Variants in PDGFC observed in about 807,000 individuals in gnomAD.
The protein encoded by PDGFC is platelet-derived growth factor C.
A neutral mutation model predicts 35.5 loss-of-function variants in PDGFC; 12 were observed. That is an observed-to-expected ratio of 0.34 (90% CI 0.22 to 0.55). The LOEUF (loss-of-function observed/expected upper bound fraction) is 0.55, where lower values mean the gene tolerates loss of function less well. PDGFC is among the 20% of genes least tolerant of loss of function. The pLI is 0.91. For missense variants in PDGFC, 322 were observed against 412.4 expected (o/e 0.78, Z 1.90); for synonymous variants, 159 against 148.8 (o/e 1.07, Z -0.50).
At chr4:156,804,592 T>TA (rs1231862022) in intron 3 of PDGFC, among the ~76,000 whole-genome samples, 1 of 151,976 alleles carries the variant, frequency 6.6e-6, no homozygotes, top group Non-Finnish European at 1.5e-5. Context: ...ACTGCATTTT[T>TA]ATAGGTATTT....
chr4:156,947,381 T>C (rs1029589277), intron 1 of PDGFC, among the ~76,000 whole-genome samples: 8 of 152,046 alleles, frequency 5.3e-5, no homozygotes, highest in Non-Finnish European at 2.9e-5. Context: ...TCCCCTGACA[T>C]GGCCTAGCTA....
chr4:156,953,350 G>A (rs969152652), intron 1 of PDGFC, among the ~76,000 whole-genome samples: 4 of 151,892 alleles, frequency 2.6e-5, no homozygotes, highest in Admixed American at 2.0e-4. Context: ...TGTCCAAGTT[G>A]TTTTCTAGAC....
At chr4:156,779,506 G>A (rs1028670820) in intron 3 of PDGFC, among the ~76,000 whole-genome samples, 22 of 152,076 alleles carry the variant, frequency 1.4e-4, no homozygotes, top group Admixed American at 3.3e-4. Context: ...TATGAAAAGC[G>A]TATGAGCCAG....
chr4:156,805,373 T>A (rs2110927768), intron 3 of PDGFC, among the ~76,000 whole-genome samples: 1 of 152,162 alleles, frequency 6.6e-6, no homozygotes, highest in South Asian at 2.1e-4. Flanking sequence ...AGCATCAAAT[T>A]TTCTCTTAAT....
intron 2 of PDGFC, among the ~76,000 whole-genome samples, chr4:156,819,185 T>G (rs945424367): frequency 4.6e-5 from 7 of 152,140 alleles, no homozygotes; most frequent in Admixed American, 1.3e-4. Flanking sequence ...CAAGTACTGA[T>G]GGAGAAGCTG....
intron 2 of PDGFC, among the ~76,000 whole-genome samples, chr4:156,826,748 A>G (rs1728767119): frequency 6.6e-6 from 1 of 152,206 alleles, no homozygotes; most frequent in Non-Finnish European, 1.5e-5. Flanking sequence ...TTAAAGGCCT[A>G]TCAAAGCAAT....
intron 1 of PDGFC, among the ~76,000 whole-genome samples, chr4:156,879,615 G>T (rs1730194918): frequency 6.6e-6 from 1 of 152,096 alleles, no homozygotes; most frequent in Non-Finnish European, 1.5e-5. Context: ...CAAACAATGG[G>T]TCATTTACTC....
chr4:156,894,148 G>A (rs893979950), intron 1 of PDGFC, among the ~76,000 whole-genome samples: 6 of 152,242 alleles, frequency 3.9e-5, no homozygotes, highest in African/African-American at 1.4e-4. Flanking sequence ...ATCACTGTAA[G>A]TATATTAGCA....
Position 156,971,000 on chromosome 4 carries a change from G to C in PDGFC, c.-97C>G, listed in dbSNP as rs1732579952. On this transcript the variant is annotated 5_prime_UTR_variant, in exon 1 of 6. Coordinates refer to ENST00000502773, the MANE Select transcript of PDGFC (RefSeq NM_016205.3). ...ACCGCCAGGGGAAGGCTGCACTGGGGTGGAAGCGCCGAGCCTGCTCTGGCA... is the reference window on the plus strand; with the variant it reads ...ACCGCCAGGGGAAGGCTGCACTGGGCTGGAAGCGCCGAGCCTGCTCTGGCA... 1.3e-6 allele frequency: 1 copy of C among 757,036 alleles called. No homozygotes were observed. The highest frequency in any genetic ancestry group is 2.3e-6 in the Non-Finnish European group (1 of 437,322). 46.9% of individuals were successfully genotyped at this position (757,036 alleles called of 1,614,324 possible). A position where few individuals can be genotyped will look rare whatever the true frequency, so the allele number is the denominator to read the frequency against.
intron 1 of PDGFC, among the ~76,000 whole-genome samples, chr4:156,904,757 C>T (rs1730874061): frequency 6.6e-6 from 1 of 152,066 alleles, no homozygotes; most frequent in Non-Finnish European, 1.5e-5. Flanking sequence ...TTTAGGTTCA[C>T]TAACCCTTTA....
At chr4:156,958,009 C>G (rs1196791670) in intron 1 of PDGFC, among the ~76,000 whole-genome samples, 1 of 152,002 alleles carries the variant, frequency 6.6e-6, no homozygotes, top group Non-Finnish European at 1.5e-5. Flanking sequence ...TATATCTCCC[C>G]TAACAACTTT....
chr4:156,787,571 G>A (rs1731163286), intron 3 of PDGFC, among the ~76,000 whole-genome samples: 2 of 152,118 alleles, frequency 1.3e-5, no homozygotes, highest in Non-Finnish European at 2.9e-5. Context: ...ATCAGGAGAA[G>A]CACATATTCC....
chr4:156,871,312 T>A (rs938671023), intron 1 of PDGFC, among the ~76,000 whole-genome samples: 1 of 151,766 alleles, frequency 6.6e-6, no homozygotes, highest in Non-Finnish European at 1.5e-5. Flanking sequence ...TAGATTTATT[T>A]TTCCCCCCCT....
At chr4:156,793,965 T>C (rs1353579935) in intron 3 of PDGFC, among the ~76,000 whole-genome samples, 1 of 152,122 alleles carries the variant, frequency 6.6e-6, no homozygotes, top group Non-Finnish European at 1.5e-5. Flanking sequence ...TTAAGGTCAG[T>C]AACTGAGGAG....
At chr4:156,789,844 A>G (rs1279327903) in intron 3 of PDGFC, among the ~76,000 whole-genome samples, 1 of 151,936 alleles carries the variant, frequency 6.6e-6, no homozygotes, top group East Asian at 1.9e-4. Context: ...AGGCATGGTG[A>G]CGGGTGCCTG....
chr4:156,871,300 A>T (rs1729977616), intron 1 of PDGFC, among the ~76,000 whole-genome samples: 1 of 151,916 alleles, frequency 6.6e-6, no homozygotes, highest in Non-Finnish European at 1.5e-5. Context: ...CCTAAAAGGG[A>T]TTAGATTTAT....
At chr4:156,905,739 T>C (rs984007652) in intron 1 of PDGFC, among the ~76,000 whole-genome samples, 4 of 152,106 alleles carry the variant, frequency 2.6e-5, no homozygotes, top group Admixed American at 2.0e-4. Flanking sequence ...CCAAAGTAAG[T>C]CTATCTAGAG....
rs573792512 is a variant in PDGFC at position 156,880,129 on chromosome 4, G to A, written c.119-29713C>T. Among the ~76,000 whole-genome samples, 95 of 152,198 alleles carry A rather than the reference G, an allele frequency of 6.2e-4. 2 individuals are homozygous for A. The South Asian group carries it at 0.017, about 27-fold the overall frequency. On this transcript the variant is annotated intron_variant, in intron 1 of 5. Coordinates refer to ENST00000502773, the MANE Select transcript of PDGFC (RefSeq NM_016205.3). ...GATGAAGGTGGCTACACTAAACAAC[G>A]GATCGTCGATGTAGGTGAAACAGTC...
chr4:156,893,725 T>C (rs2111201114), intron 1 of PDGFC, among the ~76,000 whole-genome samples: 1 of 152,148 alleles, frequency 6.6e-6, no homozygotes, highest in African/African-American at 2.4e-5. Context: ...ATTGGTCTGT[T>C]AGTATGCTTC....
Sources: gnomAD v4.1 joint callset for allele counts (sites outside exome capture counted in the v4.1 genomes callset) on GRCh38, gnomAD v4.1.1 for gene constraint, MANE v1.5 for transcripts, NCBI Gene and HGNC (gene_info 2026-07-23, HGNC 2026-07-21) for gene names.